The following RTL4 variants were observed in gnomAD, a reference collection of about 807,000 sequenced individuals.
RTL4 encodes retrotransposon Gag like 4.
RTL4 carries 4 observed loss-of-function variants against 5.3 expected under a neutral mutation model. That is an observed-to-expected ratio of 0.75 (90% CI 0.37 to 1.72). RTL4 has a LOEUF of 1.72. Among genes scored for constraint, RTL4 ranks in the 40% most tolerant of loss-of-function variants. The pLI, the probability that RTL4 is intolerant of heterozygous loss-of-function variation, is 0.04. For missense variants in RTL4, 260 were observed against 227.1 expected, an observed-to-expected ratio of 1.14 and a Z score of -0.93; for synonymous variants, 98 against 87.3, an observed-to-expected ratio of 1.12 and a Z score of -0.68.
the RTL4 span, among the ~76,000 whole-genome samples, chrX:112,127,462 C>T: frequency 1.8e-5 from 2 of 111,668 alleles, no homozygotes. Context: ...TGAAAACCCA[C>T]AGTTCATCAC....
At chrX:112,148,028 C>T in the RTL4 span, among the ~76,000 whole-genome samples, 14 of 111,335 alleles carry the variant, frequency 1.3e-4, no homozygotes, top group African/African-American at 4.6e-4. Flanking sequence ...TCACATTCAC[C>T]TTTCTGTCAC....
the RTL4 span, among the ~76,000 whole-genome samples, chrX:112,101,210 C>A: frequency 9.0e-6 from 1 of 111,343 alleles, no homozygotes; most frequent in Admixed American, 9.6e-5. Context: ...TTCAATCAGG[C>A]TAGACATTAA....
chrX:112,227,896 G>A, the RTL4 span, among the ~76,000 whole-genome samples: 1 of 111,089 alleles, frequency 9.0e-6, no homozygotes, highest in Non-Finnish European at 1.9e-5. Flanking sequence ...TGGAGGTGTT[G>A]TGGCTCAGGA....
At chrX:112,206,615 T>A in the RTL4 span, among the ~76,000 whole-genome samples, 5,998 of 110,447 alleles carry the variant, frequency 0.054, 443 homozygotes, top group African/African-American at 0.19. Context: ...AGGGCTTCAT[T>A]GTGGCCTGCC....
At chrX:112,169,902 C>T in the RTL4 span, among the ~76,000 whole-genome samples, 1 of 111,783 alleles carries the variant, frequency 8.9e-6, no homozygotes, top group African/African-American at 3.3e-5. Flanking sequence ...ATCCCTCCTG[C>T]CCCTACAGAC....
chrX:112,239,749 C>T, the RTL4 span, among the ~76,000 whole-genome samples: 24 of 111,632 alleles, frequency 2.1e-4, no homozygotes, highest in Middle Eastern at 4.6e-3. Flanking sequence ...TACGATTTAA[C>T]CTTCACTTTT....
the RTL4 span, among the ~76,000 whole-genome samples, chrX:112,336,903 G>T: frequency 1.2e-4 from 13 of 112,389 alleles, no homozygotes; most frequent in Non-Finnish European, 2.3e-4. Context: ...ATACATAAAT[G>T]AATGAGTATG....
At chrX:112,301,947 G>C in the RTL4 span, among the ~76,000 whole-genome samples, 1 of 105,799 alleles carries the variant, frequency 9.5e-6, no homozygotes, top group Non-Finnish European at 1.9e-5. Flanking sequence ...CTGGGTGATA[G>C]AGCAAGACCC....
At chrX:112,084,503 C>T in the RTL4 span, among the ~76,000 whole-genome samples, 1 of 107,910 alleles carries the variant, frequency 9.3e-6, no homozygotes, top group African/African-American at 3.4e-5. Flanking sequence ...CCAAGAGGGT[C>T]GCTGAAAAAA....
At chrX:112,314,030 C>T in the RTL4 span, among the ~76,000 whole-genome samples, 1 of 111,619 alleles carries the variant, frequency 9.0e-6, no homozygotes, top group East Asian at 2.8e-4. Context: ...GCCTGACTTT[C>T]ACAAGGATCC....
At chrX:112,378,898 T>C in the RTL4 span, among the ~76,000 whole-genome samples, 1 of 112,366 alleles carries the variant, frequency 8.9e-6, no homozygotes, top group Non-Finnish European at 1.9e-5. Context: ...AGTGTTTAGG[T>C]GGCAAATTGA....
chrX:112,350,803 T>C, the RTL4 span, among the ~76,000 whole-genome samples: 2 of 111,329 alleles, frequency 1.8e-5, no homozygotes, highest in Non-Finnish European at 3.8e-5. Flanking sequence ...TTTGTTGATC[T>C]TTTCAAAAAA....
the RTL4 span, among the ~76,000 whole-genome samples, chrX:112,268,175 ACT>A: frequency 9.2e-6 from 1 of 108,581 alleles, no homozygotes; most frequent in African/African-American, 3.4e-5. Context: ...ATCTCCAACC[ACT>A]CTCTTCTTTT....
chrX:112,139,027 C>T, the RTL4 span, among the ~76,000 whole-genome samples: 59 of 111,674 alleles, frequency 5.3e-4, no homozygotes, highest in African/African-American at 1.9e-3. Context: ...TCCTCAATCT[C>T]TCATGTTTCT....
chrX:112,138,465 G>A, the RTL4 span, among the ~76,000 whole-genome samples: 8 of 111,522 alleles, frequency 7.2e-5, no homozygotes, highest in Admixed American at 4.8e-4. Context: ...TGATAGATAC[G>A]TTTATGCAAT....
chrX:112,204,888 A>G, the RTL4 span, among the ~76,000 whole-genome samples: 3 of 111,717 alleles, frequency 2.7e-5, no homozygotes, highest in Non-Finnish European at 5.6e-5. Flanking sequence ...CTTATTTTAC[A>G]TCGCATGCCT....
the RTL4 span, among the ~76,000 whole-genome samples, chrX:112,267,086 G>T: frequency 4.4e-4 from 49 of 111,312 alleles, no homozygotes; most frequent in African/African-American, 1.6e-3. Context: ...TAAACATACT[G>T]TTATCACTCA....
the RTL4 span, among the ~76,000 whole-genome samples, chrX:112,416,650 G>T: frequency 8.9e-6 from 1 of 112,151 alleles, no homozygotes; most frequent in Non-Finnish European, 1.9e-5. Context: ...TAGAAATCAG[G>T]CAAGGCTTAG....
the RTL4 span, among the ~76,000 whole-genome samples, chrX:112,139,333 G>A: frequency 4.5e-5 from 5 of 111,253 alleles, no homozygotes; most frequent in Admixed American, 9.6e-5. Context: ...AGAAAGTCAC[G>A]GAATTCAGCC....
Sources: allele counts gnomAD v4.1 joint callset (sites outside exome capture counted in the v4.1 genomes callset), GRCh38; gene constraint gnomAD v4.1.1; transcripts MANE v1.5; gene names NCBI Gene and HGNC (gene_info 2026-07-23, HGNC 2026-07-21).